Variants in ADCK1 observed in about 807,000 individuals in gnomAD.
The protein encoded by ADCK1 is aarF domain-containing protein kinase 1.
ADCK1 carries 41 observed loss-of-function variants against 52.3 expected under a neutral mutation model. The ratio of observed to expected loss-of-function variants is 0.78; its 90% CI spans 0.61 to 1.02. The LOEUF (loss-of-function observed/expected upper bound fraction) is 1.02. ADCK1 is among the 50% of genes least tolerant of loss of function. The probability of loss-of-function intolerance (pLI) is 0.00; values close to 1 mark genes in which losing one functional copy is unlikely to be tolerated. For missense variants in ADCK1, 658 were observed against 679.5 expected (o/e 0.97, Z 0.35); for synonymous variants, 250 against 274.6 (o/e 0.91, Z 0.89).
At chr14:77,929,897 C>T (rs1401828069) in intron 9 of ADCK1, among the ~76,000 whole-genome samples, 1 of 152,162 alleles carries the variant, frequency 6.6e-6, no homozygotes, top group Non-Finnish European at 1.5e-5. Context: ...GAACTCCTGA[C>T]CTCGTGATCT....
At chr14:77,848,708 C>A (rs11625402) in intron 3 of ADCK1, among the ~76,000 whole-genome samples, 8,227 of 152,212 alleles carry the variant, frequency 0.054, 308 homozygotes, top group Middle Eastern at 0.092. Context: ...TCAGGTGATC[C>A]TCTCACCTCA....
At position 77,891,356 on chromosome 14, in the gene ADCK1, T is replaced by A. The variant is rs139422345; in HGVS notation, c.582+4107T>A. On this transcript the variant is annotated intron_variant, in intron 5 of 10. Transcript: ENST00000238561. The stretch of plus-strand genomic sequence containing the variant: ...ATAGCTGGGAGAGACCTGGGAGACT[T>A]GGAGGATCCCAGGGTTTCCTGAATC... 3.6e-3 allele frequency among the ~76,000 whole-genome samples: 545 copies of A among 152,238 alleles called. 16 individuals carry two copies. The South Asian group carries it at 0.061, about 17-fold the overall frequency.
At chr14:77,846,500 C>T (rs948089991) in intron 3 of ADCK1, among the ~76,000 whole-genome samples, 5 of 152,174 alleles carry the variant, frequency 3.3e-5, no homozygotes, top group African/African-American at 1.2e-4. Flanking sequence ...TGATTCAAGA[C>T]AGGACTGTGG....
At chr14:77,806,671 A>C (rs562787377) in intron 1 of ADCK1, among the ~76,000 whole-genome samples, 2 of 152,228 alleles carry the variant, frequency 1.3e-5, no homozygotes, top group African/African-American at 4.8e-5. Context: ...AAACTGGCAG[A>C]CGCCCTGTGG....
chr14:77,930,179 C>T (rs1042538906), intron 9 of ADCK1, among the ~76,000 whole-genome samples: 1 of 152,124 alleles, frequency 6.6e-6, no homozygotes, highest in African/African-American at 2.4e-5. Context: ...GTAGCTGTGG[C>T]CATAGGTGCC....
At position 77,925,816 on chromosome 14, in the gene ADCK1, T is replaced by C. The variant is rs769896346; in HGVS notation, c.1061T>C (p.Ile354Thr). Residue 354 changes from isoleucine (I) to threonine (T), a missense_variant, in exon 9 of 11, where the codon ATC becomes ACC. Transcript: ENST00000238561. ...LNYCHLWQSL[I>T]WTDMKRVKEY... Reference sequence around the variant, plus strand: ...TACTGCCACCTCTGGCAGTCTCTGATCTGGACTGACATGAAGAGAGTGAAG... The same window carrying C: ...TACTGCCACCTCTGGCAGTCTCTGACCTGGACTGACATGAAGAGAGTGAAG... 1.9e-6 allele frequency: 3 copies of C among 1,614,156 alleles called. No homozygotes were observed. Among genetic ancestry groups the C allele is most frequent in the Non-Finnish European group, 2.5e-6 (3 of 1,180,002 alleles).
At chr14:77,863,610 G>T (rs2082598637) in intron 4 of ADCK1, among the ~76,000 whole-genome samples, 1 of 152,120 alleles carries the variant, frequency 6.6e-6, no homozygotes, top group African/African-American at 2.4e-5. Flanking sequence ...GCTGAGGTGG[G>T]TGGATCACTT....
At chr14:77,875,049 TG>T (rs1233595160) in intron 4 of ADCK1, among the ~76,000 whole-genome samples, 2 of 151,964 alleles carry the variant, frequency 1.3e-5, no homozygotes, top group Non-Finnish European at 2.9e-5. Flanking sequence ...AGAGCTGAGC[TG>T]GGTGTGCTGA....
chr14:77,928,953 T>C (rs2084260026), intron 9 of ADCK1, among the ~76,000 whole-genome samples: 1 of 152,182 alleles, frequency 6.6e-6, no homozygotes, highest in African/African-American at 2.4e-5. Context: ...TCCAACTATG[T>C]GGTGAGTACT....
At chr14:77,852,187 C>T (rs914424678) in intron 3 of ADCK1, among the ~76,000 whole-genome samples, 1 of 151,816 alleles carries the variant, frequency 6.6e-6, no homozygotes, top group Non-Finnish European at 1.5e-5. Flanking sequence ...TTAGTAGAGG[C>T]GGGGTGTCAC....
chr14:77,849,638 G>A (rs1010389617), intron 3 of ADCK1, among the ~76,000 whole-genome samples: 3 of 151,820 alleles, frequency 2.0e-5, no homozygotes, highest in African/African-American at 7.3e-5. Context: ...TTTTTGTAAA[G>A]ATGGGCTCTC....
intron 7 of ADCK1, among the ~76,000 whole-genome samples, chr14:77,916,497 A>C (rs1025191423): frequency 1.3e-5 from 2 of 152,156 alleles, no homozygotes; most frequent in Admixed American, 6.5e-5. Context: ...ACTCTCACCC[A>C]GGCTGTGGTG....
At chr14:77,867,150 C>A (rs2082678752) in intron 4 of ADCK1, among the ~76,000 whole-genome samples, 1 of 152,362 alleles carries the variant, frequency 6.6e-6, no homozygotes, top group Non-Finnish European at 1.5e-5. Context: ...GGTCAGCTCA[C>A]CCTCTAGCAG....
chr14:77,915,161 T>A (rs1197617430), intron 7 of ADCK1, among the ~76,000 whole-genome samples: 1 of 151,788 alleles, frequency 6.6e-6, no homozygotes, highest in Non-Finnish European at 1.5e-5. Flanking sequence ...TGTCCATCCC[T>A]TCATTGCTTC....
intron 6 of ADCK1, chr14:77,902,261 G>A (rs1217354424): frequency 6.6e-6 from 1 of 152,244 alleles, no homozygotes; most frequent in Non-Finnish European, 1.5e-5. Context: ...TGTGGTGGAA[G>A]ATAGAACCCA....
chr14:77,900,737 C>T (rs1183457340), intron 6 of ADCK1: 1 of 383,336 alleles, frequency 2.6e-6, no homozygotes, highest in Non-Finnish European at 5.2e-6. Context: ...TCTGCATTCA[C>T]AGTGTTTCTC....
chr14:77,920,114 T>G (rs951691162), intron 7 of ADCK1, among the ~76,000 whole-genome samples: 1 of 152,194 alleles, frequency 6.6e-6, no homozygotes, highest in African/African-American at 2.4e-5. Context: ...AATTAAGTCC[T>G]GTCTACTTAT....
Position 77,801,507 on chromosome 14 carries a change from C to T in ADCK1, c.-12+1337C>T, listed in dbSNP as rs184293644. Among the ~76,000 whole-genome samples the T allele has an allele frequency of 1.3e-4, 20 of 152,324 alleles. No homozygotes were observed. The East Asian group carries it at 2.3e-3, about 18-fold the overall frequency. The stretch of plus-strand genomic sequence containing the variant: ...TCATTTTTCCTGGTTACATCATATT[C>T]TACCTTATTGGGTCATTCTTTGCTT... On this transcript the variant is annotated intron_variant, in intron 1 of 10. Coordinates refer to ENST00000238561, the MANE Select transcript of ADCK1 (RefSeq NM_020421.4).
At chr14:77,888,827 C>T (rs2083219019) in intron 5 of ADCK1, among the ~76,000 whole-genome samples, 1 of 152,158 alleles carries the variant, frequency 6.6e-6, no homozygotes, top group African/African-American at 2.4e-5. Flanking sequence ...CAGTGGATGC[C>T]TGAATCCTCA....
Sources: allele counts gnomAD v4.1 joint callset (sites outside exome capture counted in the v4.1 genomes callset), GRCh38; gene constraint gnomAD v4.1.1; transcripts MANE v1.5; gene names NCBI Gene and HGNC (gene_info 2026-07-23, HGNC 2026-07-21).